Variants in IFT80 observed in about 807,000 individuals in gnomAD.
IFT80 encodes the protein intraflagellar transport protein 80 homolog.
Under a neutral mutation model 107.9 loss-of-function variants are expected in IFT80, and 79 were observed. That is an observed-to-expected ratio of 0.73 (90% confidence interval 0.61 to 0.88). The LOEUF is 0.88. IFT80 is among the 40% of genes least tolerant of loss of function. The pLI is 0.00. For synonymous variants in IFT80, 299 were observed against 300.9 expected (o/e 0.99, Z 0.07); for missense variants, 797 against 914.2 (o/e 0.87, Z 1.65).
chr3:160,328,710 C>A (rs1718865632), intron 8 of IFT80, among the ~76,000 whole-genome samples: 1 of 151,894 alleles, frequency 6.6e-6, no homozygotes, highest in African/African-American at 2.4e-5. Flanking sequence ...CATTACAGTA[C>A]AATAACAAAG....
At chr3:160,380,707 GA>G (rs140443214) in intron 3 of IFT80, among the ~76,000 whole-genome samples, 11 of 147,838 alleles carry the variant, frequency 7.4e-5, no homozygotes, top group East Asian at 5.9e-4. Flanking sequence ...CTTAAAAAGT[GA>G]AAAAAAAAAT....
chr3:160,373,760 A>C (rs1711746580), intron 5 of IFT80: 1 of 154,060 alleles, frequency 6.5e-6, no homozygotes. Context: ...TGCACAGTTC[A>C]CAATAGGGTT....
chr3:160,305,863 T>C (rs1209435652), intron 10 of IFT80, among the ~76,000 whole-genome samples: 3 of 152,154 alleles, frequency 2.0e-5, no homozygotes, highest in Non-Finnish European at 2.9e-5. Context: ...AAGTCAATAA[T>C]CTGATGTAAG....
intron 1 of IFT80, among the ~76,000 whole-genome samples, chr3:160,384,889 A>G (rs1364597617): frequency 2.0e-5 from 3 of 152,240 alleles, no homozygotes; most frequent in Non-Finnish European, 1.5e-5. Flanking sequence ...TACGCAGAAC[A>G]CCACTAGGTA....
At chr3:160,295,614 A>C (rs1378222865) in intron 12 of IFT80, among the ~76,000 whole-genome samples, 1 of 152,156 alleles carries the variant, frequency 6.6e-6, no homozygotes, top group East Asian at 1.9e-4. Flanking sequence ...AAAAAAGTTA[A>C]AAATAGAACT....
intron 1 of IFT80, chr3:160,394,323 A>G (rs1306809643): frequency 6.6e-6 from 1 of 152,220 alleles, no homozygotes; most frequent in Non-Finnish European, 1.5e-5. Flanking sequence ...AAAGAAAAAA[A>G]AAATCACAAA....
chr3:160,337,252 T>C (rs1719558209), intron 8 of IFT80, among the ~76,000 whole-genome samples: 1 of 152,216 alleles, frequency 6.6e-6, no homozygotes, highest in South Asian at 2.1e-4. Context: ...AATTCTCTAG[T>C]CGATTCCTCA....
intron 8 of IFT80, among the ~76,000 whole-genome samples, chr3:160,336,100 A>C (rs2108325552): frequency 6.6e-6 from 1 of 152,268 alleles, no homozygotes; most frequent in East Asian, 1.9e-4. Context: ...GGCTTTTATG[A>C]ATAATGTTGC....
At chr3:160,385,975 T>C (rs1456550869) in intron 1 of IFT80, among the ~76,000 whole-genome samples, 1 of 152,168 alleles carries the variant, frequency 6.6e-6, no homozygotes, top group Non-Finnish European at 1.5e-5. Flanking sequence ...AATATACTAT[T>C]ACAATCAGAA....
chr3:160,369,798 C>CA (rs1272491212), intron 5 of IFT80, among the ~76,000 whole-genome samples: 1 of 151,644 alleles, frequency 6.6e-6, no homozygotes, highest in Non-Finnish European at 1.5e-5. Flanking sequence ...GGGCAAAAAA[C>CA]AAAAAATAGC....
chr3:160,392,397 A>C (rs539156641), intron 1 of IFT80, among the ~76,000 whole-genome samples: 1 of 152,248 alleles, frequency 6.6e-6, no homozygotes, highest in African/African-American at 2.4e-5. Flanking sequence ...CCACACTTTT[A>C]TATCTATTTG....
chr3:160,277,311 C>G lies in IFT80; in HGVS notation c.2094G>C (p.Trp698Cys), dbSNP rs1273119646. 3.1e-6 allele frequency: 5 copies of G among 1,611,980 alleles called. No homozygotes were observed. In the African/African-American group the frequency reaches 4.0e-5, roughly 13 times the overall value. ...ATGGAAAGCATTCTTATTACCTTTCCCAGTTGTAGAGATTAATATTGATCT... is the reference window on the plus strand; with the variant it reads ...ATGGAAAGCATTCTTATTACCTTTCGCAGTTGTAGAGATTAATATTGATCT... The part of the protein sequence containing the change: ...AIQININLYN[W>C]ERALELAVKY... Residue 698 changes from tryptophan to cysteine, a missense_variant, in exon 18 of 20, where the codon TGG (tryptophan) becomes TGC (cysteine). Transcript: ENST00000326448.
chr3:160,285,832 A>G lies in IFT80; in HGVS notation c.1352T>C (p.Leu451Ser). 2 of 1,612,070 alleles carry G rather than the reference A, an allele frequency of 1.2e-6. No homozygotes were observed. The highest frequency in any genetic ancestry group is 4.5e-5 in the East Asian group (2 of 44,762). ...ATGAGAAAGAAACTTTCCATCACCT[A>G]ACGGCTTTCCGGTTGATGCCTCAAA... ...FLFEASTGKP[L>S]GDGKFLSHKN... The change falls in exon 13 of 20, where the codon TTA becomes TCA. Residue 451 changes from leucine to serine, a missense_variant. Coordinates refer to ENST00000326448, the MANE Select transcript of IFT80 (RefSeq NM_020800.3).
chr3:160,366,325 G>C (rs1284891887), intron 5 of IFT80, among the ~76,000 whole-genome samples, 173 bp from the exon 6 acceptor site: 1 of 151,904 alleles, frequency 6.6e-6, no homozygotes, highest in Non-Finnish European at 1.5e-5. Context: ...AATGCTGACT[G>C]GGTTAATATT....
chr3:160,306,972 G>A (rs897180140), intron 10 of IFT80, among the ~76,000 whole-genome samples: 8 of 152,038 alleles, frequency 5.3e-5, no homozygotes, highest in Non-Finnish European at 4.4e-5. Flanking sequence ...TATACATAAT[G>A]TTATAAATAT....
chr3:160,279,771 C>A (rs1241300965), intron 15 of IFT80, among the ~76,000 whole-genome samples: 5 of 152,080 alleles, frequency 3.3e-5, no homozygotes, highest in Non-Finnish European at 5.9e-5. Context: ...AATTCCAAGA[C>A]TATTTTCTCA....
rs182954906 is a variant in IFT80, at chr3:160,365,849, T to C, written c.549+194A>G. Among the ~76,000 whole-genome samples the C allele has an allele frequency of 2.0e-5, 3 of 152,164 alleles. No individual in the cohort carries two copies. In the East Asian group the frequency reaches 5.8e-4, roughly 29 times the overall value. ...ATGCTGTATCATTATCAAAATGAGT[T>C]GGAATAAGGGGAAAACAAACCTTGT... On this transcript the variant is annotated intron_variant, in intron 6 of 19. Transcript: ENST00000326448.
chr3:160,320,216 T>C (rs1331732042), intron 8 of IFT80: 1 of 294,730 alleles, frequency 3.4e-6, no homozygotes. Flanking sequence ...TTTTAAGTAA[T>C]AATACTTAAT....
chr3:160,388,861 G>A (rs1452752421), intron 1 of IFT80, among the ~76,000 whole-genome samples: 2 of 152,234 alleles, frequency 1.3e-5, no homozygotes, highest in East Asian at 3.9e-4. Context: ...ACTGGCCATT[G>A]CTAGCTTTTA....
Sources: allele counts gnomAD v4.1 joint callset (sites outside exome capture counted in the v4.1 genomes callset), GRCh38; gene constraint gnomAD v4.1.1; transcripts MANE v1.5; gene names NCBI Gene and HGNC (gene_info 2026-07-23, HGNC 2026-07-21).